The following UBR4 variants were observed in gnomAD, a reference collection of about 807,000 sequenced individuals.
The protein encoded by UBR4 is E3 ubiquitin-protein ligase UBR4.
UBR4 carries 124 observed loss-of-function variants against 575.6 expected under a neutral mutation model. The observed-to-expected ratio is 0.22, with a 90% CI of 0.19 to 0.25. The LOEUF (loss-of-function observed/expected upper bound fraction) is 0.25. Among genes scored for constraint, UBR4 ranks in the 10% least tolerant of loss-of-function variants. UBR4 has a pLI of 1.00. For missense variants in UBR4, 4,818 were observed against 6,478.8 expected, an observed-to-expected ratio of 0.74 and a Z score of 8.80; for synonymous variants, 2,455 against 2,473.7, an observed-to-expected ratio of 0.99 and a Z score of 0.22.
At chr1:19,148,653 G>A in intron 49 of UBR4, 27 bp from the exon 50 acceptor site, 1 of 1,613,610 alleles carries the variant, frequency 6.2e-7, no homozygotes, top group East Asian at 2.2e-5. Flanking sequence ...CCTGGCTTGA[G>A]TACAACACCG....
intron 86 of UBR4, 87 bp downstream of exon 86, chr1:19,104,498 G>A (rs1231268279): frequency 6.3e-6 from 9 of 1,433,798 alleles, no homozygotes; most frequent in African/African-American, 1.4e-5. Context: ...CCAGAGAGAA[G>A]AGAGTCAACC....
rs1485880212 is a variant in UBR4 at position 19,126,664 on chromosome 1, C to G, written c.9229-9G>C. 4 of 1,612,396 alleles carry G rather than the reference C, an allele frequency of 2.5e-6. No homozygotes were observed. The South Asian group carries it at 4.4e-5, about 18-fold the overall frequency. On this transcript the variant is annotated splice_polypyrimidine_tract_variant and intron_variant, in intron 63 of 105. Coordinates refer to ENST00000375254, the MANE Select transcript of UBR4 (RefSeq NM_020765.3). ...GAGATGAGGGAAGATGACTGGGAGA[C>G]AGAGAAAATACAGAGATGGGAAGAA...
Position 19,117,190 on chromosome 1 carries a change from C to T in UBR4, c.10823+31G>A. The T allele has an allele frequency of 1.9e-6, 3 of 1,604,810 alleles. No homozygotes were observed. The highest frequency in any genetic ancestry group is 2.6e-6 in the Non-Finnish European group (3 of 1,174,044). ...AACTGAGCTTCAGCCTTACAACCTG[C>T]TGCCCCTCCCGAGGCCTAAAAAGCC... On this transcript the variant is annotated intron_variant, in intron 73 of 105. Coordinates refer to ENST00000375254, the MANE Select transcript of UBR4 (RefSeq NM_020765.3). This position sits in a 1 kb window ranked among gnomAD's most constrained non-coding sequence, Gnocchi z 4.0.
In UBR4 at chr1:19,198,938, A is replaced by C. The variant is rs1267932132; in HGVS notation, c.379-10T>G. 6.2e-7 allele frequency: 1 copy of C among 1,607,604 alleles called. No homozygotes were observed. The highest frequency in any genetic ancestry group is 8.5e-7 in the Non-Finnish European group (1 of 1,177,876). ...GGAGAATCAAGTGTTTCTGAAAAGAAAACAAATGCAAACAAAAGAAAACAA... is the reference window on the plus strand; with the variant it reads ...GGAGAATCAAGTGTTTCTGAAAAGACAACAAATGCAAACAAAAGAAAACAA... On this transcript the variant is annotated splice_polypyrimidine_tract_variant and intron_variant, in intron 3 of 105. Coordinates refer to ENST00000375254, the MANE Select transcript of UBR4 (RefSeq NM_020765.3).
At chr1:19,143,895 G>A (rs1571060534) in intron 55 of UBR4, 85 bp downstream of exon 55, 5 of 1,255,826 alleles carry the variant, frequency 4.0e-6, no homozygotes, top group South Asian at 1.2e-5. Flanking sequence ...TGGTCAACAT[G>A]AGCAGCATGC....
chr1:19,180,551 A>AC, intron 17 of UBR4, among the ~76,000 whole-genome samples: 1 of 152,034 alleles, frequency 6.6e-6, no homozygotes, highest in South Asian at 2.1e-4. Flanking sequence ...CAAAAAAAAA[A>AC]AAAAACCTAC....
chr1:19,170,893 A>C lies in UBR4; in HGVS notation c.3522-10T>G, dbSNP rs777612747. On this transcript the variant is annotated splice_polypyrimidine_tract_variant and intron_variant, in intron 25 of 105. Coordinates refer to ENST00000375254, the MANE Select transcript of UBR4 (RefSeq NM_020765.3). ...TTGCAGCAAATAGGCTCTGGGGAAA[A>C]AACAGGGGGAAAGTGAAGCCATAAG... The C allele has an allele frequency of 4.3e-6, 7 of 1,614,084 alleles. 1 individual carries two copies. In the South Asian group the frequency reaches 7.7e-5, roughly 18 times the overall value.
intron 58 of UBR4, among the ~76,000 whole-genome samples, chr1:19,140,450 T>C (rs1349851548): frequency 6.6e-6 from 1 of 152,242 alleles, no homozygotes; most frequent in Non-Finnish European, 1.5e-5. Context: ...TTCTTGTCTC[T>C]CTTTTAATAC....
At chr1:19,186,273 T>A (rs1041602471) in intron 14 of UBR4, among the ~76,000 whole-genome samples, 1 of 152,176 alleles carries the variant, frequency 6.6e-6, no homozygotes, top group Non-Finnish European at 1.5e-5. Flanking sequence ...TATGGAACAA[T>A]TGAGATGTTT....
Position 19,110,039 on chromosome 1 carries a change from G to T in UBR4, c.12105+57C>A. 6.2e-7 allele frequency: 1 copy of T among 1,608,994 alleles called. No individual in the cohort carries two copies. ...TGAGGAGGCAGGGCACACTGCCAGG[G>T]AATGAGGAGGGTGGCCGCCCTGCCC... On this transcript the variant is annotated intron_variant, in intron 81 of 105. Coordinates refer to ENST00000375254, the MANE Select transcript of UBR4 (RefSeq NM_020765.3). This position sits in a 1 kb window ranked among gnomAD's most constrained non-coding sequence, Gnocchi z 4.5.
intron 30 of UBR4, 86 bp downstream of exon 30, chr1:19,165,570 A>AT: frequency 7.2e-7 from 1 of 1,391,358 alleles, no homozygotes; most frequent in South Asian, 1.3e-5. Context: ...ATTGCTGATA[A>AT]TAAGTACCTA....
chr1:19,122,697 A>T, intron 66 of UBR4, 136 bp downstream of exon 66: 1 of 958,622 alleles, frequency 1.0e-6, no homozygotes, highest in Non-Finnish European at 1.6e-6. Context: ...TTATGGATTT[A>T]CCCTCATCTC....
intron 11 of UBR4, among the ~76,000 whole-genome samples, 173 bp from the exon 12 acceptor site, chr1:19,187,713 A>G (rs1191905586): frequency 6.6e-6 from 1 of 152,148 alleles, no homozygotes; most frequent in Admixed American, 6.5e-5. Context: ...GAAGTTCACA[A>G]TCTCCTTGAA....
chr1:19,087,216 G>C (rs369522510), intron 99 of UBR4, among the ~76,000 whole-genome samples: 1 of 152,230 alleles, frequency 6.6e-6, no homozygotes, highest in Non-Finnish European at 1.5e-5. Context: ...CAGGACTAAC[G>C]AGCCCTGTGG....
At chr1:19,191,798 A>C (rs2092104854) in intron 11 of UBR4, among the ~76,000 whole-genome samples, 1 of 152,338 alleles carries the variant, frequency 6.6e-6, no homozygotes, top group Middle Eastern at 3.4e-3. Context: ...AGCAAATATT[A>C]CAGGAAGCAA....
rs773986946 is a variant in UBR4 at position 19,081,416 on chromosome 1, C to T, written c.15166G>A (p.Val5056Met). ...LPPEQWRATR[V>M]EILRRLLVTS... is the part of the protein sequence containing the mutation. ...ACCAACAGCCTCCGCAAGATTTCCACACGTGTGGCTCTCCACTGCTCAGGG... is the reference window on the plus strand; with the variant it reads ...ACCAACAGCCTCCGCAAGATTTCCATACGTGTGGCTCTCCACTGCTCAGGG... The change falls in exon 103 of 106, where the codon GTG becomes ATG. Residue 5056 changes from valine (V) to methionine (M), a missense_variant. Coordinates refer to ENST00000375254, the MANE Select transcript of UBR4 (RefSeq NM_020765.3). 1 of 1,613,968 alleles carries T rather than the reference C, an allele frequency of 6.2e-7. No homozygotes were observed. The highest frequency in any genetic ancestry group is 1.1e-5 in the South Asian group (1 of 91,076).
chr1:19,129,521 C>A (rs2082189723), intron 60 of UBR4, among the ~76,000 whole-genome samples: 1 of 152,178 alleles, frequency 6.6e-6, no homozygotes, highest in South Asian at 2.1e-4. Flanking sequence ...AGTGACCCAG[C>A]CCTTTCTTTC....
chr1:19,088,248 T>C lies in UBR4; in HGVS notation c.14431-319A>G. On this transcript the variant is annotated intron_variant, in intron 98 of 105. Coordinates refer to ENST00000375254, the MANE Select transcript of UBR4 (RefSeq NM_020765.3). The surrounding 1 kb of genome is among the most constrained non-coding windows in gnomAD (Gnocchi z 4.0). ...ATGCCAAGTCTCAGCTTCCAAGGGT[T>C]GTTGCACTATGATTCATTCACTGTT... Among the ~76,000 whole-genome samples the C allele has an allele frequency of 6.6e-6, 1 of 152,240 alleles. No homozygotes were observed. Among genetic ancestry groups the C allele is most frequent in the Admixed American group, 6.5e-5 (1 of 15,284 alleles).
intron 1 of UBR4, among the ~76,000 whole-genome samples, chr1:19,205,480 T>C (rs141929974): frequency 1.8e-4 from 27 of 152,352 alleles, no homozygotes; most frequent in Middle Eastern, 3.4e-3. Flanking sequence ...CCTATCTTTC[T>C]ATCTATAATC....
Sources: allele counts gnomAD v4.1 joint callset (sites outside exome capture counted in the v4.1 genomes callset), GRCh38; gene constraint gnomAD v4.1.1; non-coding constraint Gnocchi (gnomAD v3.1); transcripts MANE v1.5; gene names NCBI Gene and HGNC (gene_info 2026-07-23, HGNC 2026-07-21).